LOC122539214: variants seen among roughly 807,000 people sequenced by gnomAD.
the LOC122539214 span, among the ~76,000 whole-genome samples, chr19:52,664,386 C>T: frequency 6.6e-6 from 1 of 152,050 alleles, no homozygotes; most frequent in Non-Finnish European, 1.5e-5. Context: ...GTCCCAGCTA[C>T]TCTGGAGGCT....
At chr19:52,673,001 T>A in the LOC122539214 span, among the ~76,000 whole-genome samples, 3 of 151,228 alleles carry the variant, frequency 2.0e-5, no homozygotes, top group Admixed American at 2.0e-4. Flanking sequence ...ATTGTACATA[T>A]AAAAATGGGG....
chr19:52,676,043 C>A, the LOC122539214 span, among the ~76,000 whole-genome samples: 5 of 150,534 alleles, frequency 3.3e-5, no homozygotes, highest in South Asian at 4.1e-4. Context: ...ACAGCTCTCG[C>A]TCTCCCTCTC....
chr19:52,687,542 T>G, the LOC122539214 span, among the ~76,000 whole-genome samples: 11 of 30,662 alleles, frequency 3.6e-4, no homozygotes, highest in African/African-American at 1.1e-3. Flanking sequence ...ATTATATATA[T>G]AAATTATATG....
At chr19:52,676,758 G>A in the LOC122539214 span, among the ~76,000 whole-genome samples, 1 of 139,728 alleles carries the variant, frequency 7.2e-6, no homozygotes, top group South Asian at 2.3e-4. Flanking sequence ...AGACATGGGA[G>A]ACTTTTCATT....
chr19:52,668,377 C>T, the LOC122539214 span, among the ~76,000 whole-genome samples: 1 of 152,098 alleles, frequency 6.6e-6, no homozygotes, highest in African/African-American at 2.4e-5. Flanking sequence ...CTAAGGAAAG[C>T]TTAGTCTATC....
At chr19:52,677,904 A>T in the LOC122539214 span, among the ~76,000 whole-genome samples, 1 of 151,446 alleles carries the variant, frequency 6.6e-6, no homozygotes, top group Non-Finnish European at 1.5e-5. Context: ...GCATGGTGGC[A>T]CGTGCCCATC....
At chr19:52,673,257 G>C in the LOC122539214 span, among the ~76,000 whole-genome samples, 404 of 152,238 alleles carry the variant, frequency 2.7e-3, 3 homozygotes, top group Non-Finnish European at 4.0e-3. Flanking sequence ...TTGAATCCCA[G>C]CACTTTGGGA....
the LOC122539214 span, among the ~76,000 whole-genome samples, chr19:52,679,919 A>G: frequency 6.6e-6 from 1 of 151,940 alleles, no homozygotes; most frequent in Non-Finnish European, 1.5e-5. Context: ...AGTGGCTCAC[A>G]CCTGTAAGCC....
the LOC122539214 span, among the ~76,000 whole-genome samples, chr19:52,680,795 G>T: frequency 6.8e-6 from 1 of 147,862 alleles, no homozygotes; most frequent in Non-Finnish European, 1.5e-5. Context: ...TGTATTTTTA[G>T]TAGAGACGGG....
the LOC122539214 span, among the ~76,000 whole-genome samples, chr19:52,685,047 T>A: frequency 6.6e-6 from 1 of 152,218 alleles, no homozygotes. Flanking sequence ...AGTCTACCGC[T>A]CTGTTTCTTC....
chr19:52,659,824 T>G, the LOC122539214 span, among the ~76,000 whole-genome samples: 2 of 152,174 alleles, frequency 1.3e-5, no homozygotes, highest in Admixed American at 6.5e-5. Context: ...AATTCAGAGA[T>G]AGAGAAAGAA....
At chr19:52,666,077 T>C in the LOC122539214 span, among the ~76,000 whole-genome samples, 52,343 of 147,610 alleles carry the variant, frequency 0.35, 9,696 homozygotes, top group East Asian at 0.56. Context: ...GGTGGGAGAA[T>C]GGTGTGAACC....
the LOC122539214 span, among the ~76,000 whole-genome samples, chr19:52,671,391 A>C: frequency 2.6e-5 from 4 of 152,184 alleles, no homozygotes; most frequent in South Asian, 8.3e-4. Context: ...TATTAAATTC[A>C]CTCTATGTGC....
chr19:52,683,420 C>T, the LOC122539214 span, among the ~76,000 whole-genome samples: 3,218 of 151,986 alleles, frequency 0.021, 107 homozygotes, highest in African/African-American at 0.074. Flanking sequence ...CCTGAAGTCA[C>T]GGAGCCTCCA....
At chr19:52,657,123 C>A in the LOC122539214 span, among the ~76,000 whole-genome samples, 2 of 150,630 alleles carry the variant, frequency 1.3e-5, no homozygotes, top group African/African-American at 4.9e-5. Flanking sequence ...CACCCCCACC[C>A]TCCCAAAAGT....
At chr19:52,688,297 A>T in the LOC122539214 span, among the ~76,000 whole-genome samples, 1 of 151,420 alleles carries the variant, frequency 6.6e-6, no homozygotes, top group Non-Finnish European at 1.5e-5. Context: ...TGGCCTCCAG[A>T]GTAGCTGGGA....
At chr19:52,686,459 CATATATAT>C in the LOC122539214 span, among the ~76,000 whole-genome samples, 101,897 of 143,060 alleles carry the variant, frequency 0.71, 37,056 homozygotes, top group African/African-American at 0.91. Context: ...AAAAAAATTA[CATATATAT>C]ATATATATAT....
the LOC122539214 span, among the ~76,000 whole-genome samples, chr19:52,657,548 T>A: frequency 5.9e-5 from 9 of 152,040 alleles, no homozygotes; most frequent in Non-Finnish European, 8.8e-5. Context: ...AATAATTTTT[T>A]AAAAAAGGCC....
chr19:52,652,391 C>T, the LOC122539214 span: 30 of 333,998 alleles, frequency 9.0e-5, no homozygotes, highest in Non-Finnish European at 1.4e-4. Context: ...GCCGAGATCA[C>T]GCCACTGCAC....
Sources: gnomAD v4.1 joint callset for allele counts (sites outside exome capture counted in the v4.1 genomes callset) on GRCh38, gnomAD v4.1.1 for gene constraint, MANE v1.5 for transcripts.